CTNNA3: variants seen among roughly 807,000 people sequenced by gnomAD.
CTNNA3 encodes the protein catenin alpha-3.
Under a neutral mutation model 95.7 loss-of-function variants are expected in CTNNA3, and 76 were observed. The ratio of observed to expected loss-of-function variants is 0.79; its 90% CI spans 0.66 to 0.96. The LOEUF is 0.96. CTNNA3 is among the 40% of genes least tolerant of loss of function. The pLI, the probability that CTNNA3 is intolerant of heterozygous loss-of-function variation, is 0.00. For synonymous variants in CTNNA3, 431 were observed against 374.4 expected, an observed-to-expected ratio of 1.15 and a Z score of -1.74; for missense variants, 1,191 against 1,089.8, an observed-to-expected ratio of 1.09 and a Z score of -1.31.
intron 10 of CTNNA3, among the ~76,000 whole-genome samples, chr10:66,599,214 A>C (rs540460944): frequency 2.6e-5 from 4 of 152,012 alleles, no homozygotes; most frequent in Admixed American, 6.6e-5. Context: ...TCTAGGCAGC[A>C]TCTGGCAGAA....
intron 2 of CTNNA3, among the ~76,000 whole-genome samples, chr10:67,629,440 C>A (rs932867763): frequency 6.6e-6 from 1 of 152,128 alleles, no homozygotes; most frequent in Non-Finnish European, 1.5e-5. Flanking sequence ...CTGGAATACA[C>A]GGCAGATACG....
chr10:66,198,530 T>C (rs2087111604), intron 13 of CTNNA3, among the ~76,000 whole-genome samples: 1 of 152,130 alleles, frequency 6.6e-6, no homozygotes, highest in African/African-American at 2.4e-5. Flanking sequence ...TACTAGCAAA[T>C]TGAATCTGCT....
chr10:66,352,047 G>T (rs2092570808), intron 12 of CTNNA3, among the ~76,000 whole-genome samples: 1 of 152,050 alleles, frequency 6.6e-6, no homozygotes, highest in African/African-American at 2.4e-5. Flanking sequence ...AAAGGGAGAA[G>T]CACTAAAGAG....
At chr10:66,918,395 C>G (rs554356553) in intron 7 of CTNNA3, among the ~76,000 whole-genome samples, 3 of 152,298 alleles carry the variant, frequency 2.0e-5, no homozygotes, top group Admixed American at 6.5e-5. Flanking sequence ...GCTCTAAGTC[C>G]TGTATTACTC....
chr10:66,984,036 G>A (rs1850593102), intron 7 of CTNNA3, among the ~76,000 whole-genome samples: 1 of 152,104 alleles, frequency 6.6e-6, no homozygotes. Context: ...GTGCCATGTG[G>A]TAAGTGACAT....
intron 13 of CTNNA3, among the ~76,000 whole-genome samples, chr10:66,214,716 C>T (rs1027593370): frequency 6.6e-6 from 1 of 151,970 alleles, no homozygotes; most frequent in Non-Finnish European, 1.5e-5. Flanking sequence ...CTTCTGGTTT[C>T]GTAAAGGGAC....
intron 7 of CTNNA3, among the ~76,000 whole-genome samples, chr10:66,888,576 A>T (rs1845139001): frequency 6.6e-6 from 1 of 151,848 alleles, no homozygotes; most frequent in African/African-American, 2.4e-5. Flanking sequence ...TGGGGAAAAA[A>T]TAACAAATAT....
At chr10:67,612,009 AG>A (rs1480346844) in intron 2 of CTNNA3, among the ~76,000 whole-genome samples, 1 of 152,164 alleles carries the variant, frequency 6.6e-6, no homozygotes, top group Non-Finnish European at 1.5e-5. Context: ...CGGGGAGGAG[AG>A]GGGGTGTCCC....
intron 1 of CTNNA3, among the ~76,000 whole-genome samples, chr10:67,727,346 T>C (rs1841241236): frequency 3.1e-5 from 4 of 130,430 alleles, no homozygotes; most frequent in Admixed American, 2.7e-4. Context: ...TTGTATATTA[T>C]ATATATCATA....
At chr10:66,698,519 G>C (rs916050958) in intron 9 of CTNNA3, among the ~76,000 whole-genome samples, 2 of 152,218 alleles carry the variant, frequency 1.3e-5, no homozygotes, top group African/African-American at 4.8e-5. Flanking sequence ...TCATATGGTT[G>C]TGGAGTGGGC....
intron 17 of CTNNA3, among the ~76,000 whole-genome samples, chr10:65,942,325 G>C (rs57661231): frequency 0.021 from 3,216 of 152,176 alleles, 113 homozygotes; most frequent in African/African-American, 0.074. Flanking sequence ...TCAAGAGATC[G>C]AGACCATCCT....
chr10:66,312,974 GC>G (rs1318232660), intron 12 of CTNNA3, among the ~76,000 whole-genome samples: 15 of 152,136 alleles, frequency 9.9e-5, no homozygotes, highest in African/African-American at 3.6e-4. Flanking sequence ...TTAGACACAA[GC>G]CTTGACCATG....
chr10:66,316,482 A>T (rs2092101781), intron 12 of CTNNA3, among the ~76,000 whole-genome samples: 2 of 152,034 alleles, frequency 1.3e-5, no homozygotes, highest in Non-Finnish European at 2.9e-5. Flanking sequence ...CCCGAAACTC[A>T]GTGCACAAGA....
At chr10:66,644,822 A>G (rs1374835446) in intron 9 of CTNNA3, among the ~76,000 whole-genome samples, 1 of 152,064 alleles carries the variant, frequency 6.6e-6, no homozygotes. Context: ...TGGATTCACC[A>G]CCGCAGTCAA....
intron 5 of CTNNA3, among the ~76,000 whole-genome samples, chr10:67,432,573 C>T (rs529943474): frequency 5.9e-5 from 9 of 152,110 alleles, no homozygotes; most frequent in African/African-American, 1.7e-4. Flanking sequence ...TCTGTCTTCA[C>T]ATCACTTTCT....
chr10:66,985,837 C>T (rs1850698968), intron 7 of CTNNA3, among the ~76,000 whole-genome samples: 1 of 152,104 alleles, frequency 6.6e-6, no homozygotes, highest in African/African-American at 2.4e-5. Flanking sequence ...AAGCGATTCT[C>T]ATGCCTCAGC....
At chr10:66,235,957 T>C (rs893608897) in intron 13 of CTNNA3, among the ~76,000 whole-genome samples, 2 of 152,176 alleles carry the variant, frequency 1.3e-5, no homozygotes, top group African/African-American at 4.8e-5. Context: ...TTTCTCATAG[T>C]AGCACTTTTG....
At chr10:67,127,818 A>T (rs1859792115) in intron 7 of CTNNA3, among the ~76,000 whole-genome samples, 1 of 152,106 alleles carries the variant, frequency 6.6e-6, no homozygotes, top group Admixed American at 6.6e-5. Context: ...GTTATTATTC[A>T]AACTTGGTAG....
intron 5 of CTNNA3, among the ~76,000 whole-genome samples, chr10:67,424,841 A>G (rs1845861989): frequency 6.6e-6 from 1 of 152,140 alleles, no homozygotes; most frequent in Non-Finnish European, 1.5e-5. Context: ...AACCTGGTCC[A>G]TAGTTGGTGC....
Sources: allele counts gnomAD v4.1 joint callset (sites outside exome capture counted in the v4.1 genomes callset), GRCh38; gene constraint gnomAD v4.1.1; transcripts MANE v1.5; gene names NCBI Gene and HGNC (gene_info 2026-07-23, HGNC 2026-07-21).